The following ENTREP2 variants were observed in gnomAD, a reference collection of about 807,000 sequenced individuals.
The protein encoded by ENTREP2 is protein ENTREP2.
At chr15:29,504,081 C>T in the ENTREP2 span, among the ~76,000 whole-genome samples, 1 of 152,164 alleles carries the variant, frequency 6.6e-6, no homozygotes, top group Non-Finnish European at 1.5e-5. Flanking sequence ...CTTGGCCCTA[C>T]TAGGAGTACA....
chr15:29,147,692 C>G, the ENTREP2 span, among the ~76,000 whole-genome samples: 1 of 152,224 alleles, frequency 6.6e-6, no homozygotes, highest in Non-Finnish European at 1.5e-5. Flanking sequence ...CCCTCATGGT[C>G]TCACGGTGGG....
chr15:29,512,928 A>G, the ENTREP2 span, among the ~76,000 whole-genome samples: 1 of 152,220 alleles, frequency 6.6e-6, no homozygotes, highest in Non-Finnish European at 1.5e-5. Context: ...TTGAAGTTTT[A>G]TAAGTAAATA....
At chr15:29,271,120 G>A in the ENTREP2 span, among the ~76,000 whole-genome samples, 5 of 152,168 alleles carry the variant, frequency 3.3e-5, no homozygotes, top group African/African-American at 1.2e-4. Flanking sequence ...ACTAATGCAA[G>A]TATGCTAAAA....
the ENTREP2 span, among the ~76,000 whole-genome samples, chr15:29,598,338 C>T: frequency 6.6e-6 from 1 of 152,144 alleles, no homozygotes; most frequent in East Asian, 1.9e-4. Flanking sequence ...TCTCTAGTAA[C>T]AAATTATGTT....
the ENTREP2 span, among the ~76,000 whole-genome samples, chr15:29,230,412 G>A: frequency 2.0e-5 from 3 of 152,014 alleles, no homozygotes; most frequent in South Asian, 2.1e-4. Context: ...ACCACATAAC[G>A]TATGATTTTA....
chr15:29,131,053 G>C, the ENTREP2 span, among the ~76,000 whole-genome samples: 1 of 152,146 alleles, frequency 6.6e-6, no homozygotes, highest in African/African-American at 2.4e-5. Context: ...TGGAAAATAA[G>C]TTGGCTTTTC....
At chr15:29,659,343 C>T in the ENTREP2 span, among the ~76,000 whole-genome samples, 23 of 152,112 alleles carry the variant, frequency 1.5e-4, no homozygotes, top group African/African-American at 5.3e-4. Flanking sequence ...TGGTGGCATG[C>T]ACCTGTAATC....
At chr15:29,193,463 T>C in the ENTREP2 span, among the ~76,000 whole-genome samples, 3 of 152,238 alleles carry the variant, frequency 2.0e-5, no homozygotes, top group Non-Finnish European at 4.4e-5. Flanking sequence ...CTCACACTGG[T>C]GCAACCACTC....
the ENTREP2 span, among the ~76,000 whole-genome samples, chr15:29,411,902 T>C: frequency 3.3e-5 from 5 of 152,218 alleles, no homozygotes; most frequent in South Asian, 1.0e-3. Flanking sequence ...CATCGTTTCA[T>C]ATATGCTTCA....
the ENTREP2 span, among the ~76,000 whole-genome samples, chr15:29,426,602 T>G: frequency 6.6e-6 from 1 of 152,252 alleles, no homozygotes; most frequent in East Asian, 1.9e-4. Context: ...CCTAATTCAC[T>G]AATCCAATGT....
chr15:29,185,444 G>A, the ENTREP2 span, among the ~76,000 whole-genome samples: 1 of 152,176 alleles, frequency 6.6e-6, no homozygotes. Flanking sequence ...GGCACACAAC[G>A]AAGGGCACCC....
chr15:29,605,202 G>A, the ENTREP2 span, among the ~76,000 whole-genome samples: 2 of 152,154 alleles, frequency 1.3e-5, no homozygotes, highest in Non-Finnish European at 2.9e-5. Flanking sequence ...TAAAACTGGA[G>A]CAAAGAGATT....
At chr15:29,372,105 G>T in the ENTREP2 span, among the ~76,000 whole-genome samples, 3 of 151,986 alleles carry the variant, frequency 2.0e-5, no homozygotes, top group African/African-American at 7.2e-5. Flanking sequence ...AGAAATTATG[G>T]CAGAAAATAC....
the ENTREP2 span, among the ~76,000 whole-genome samples, chr15:29,504,086 A>T: frequency 2.6e-5 from 4 of 152,196 alleles, no homozygotes; most frequent in Admixed American, 2.0e-4. Flanking sequence ...CCCTACTAGG[A>T]GTACAGATTG....
chr15:29,163,916 G>A, the ENTREP2 span, among the ~76,000 whole-genome samples: 1 of 152,184 alleles, frequency 6.6e-6, no homozygotes, highest in Non-Finnish European at 1.5e-5. Context: ...CTGTGAGACA[G>A]AAGCACCAGG....
chr15:29,192,808 A>G, the ENTREP2 span, among the ~76,000 whole-genome samples: 1 of 152,240 alleles, frequency 6.6e-6, no homozygotes, highest in African/African-American at 2.4e-5. Flanking sequence ...AGGCTGGCTT[A>G]CCACTCAAAA....
chr15:29,597,568 CA>C, the ENTREP2 span, among the ~76,000 whole-genome samples: 140 of 137,640 alleles, frequency 1.0e-3, no homozygotes, highest in East Asian at 3.5e-3. Flanking sequence ...AACTCTGTCT[CA>C]AAAAAAAAAA....
the ENTREP2 span, among the ~76,000 whole-genome samples, chr15:29,392,853 CAT>C: frequency 3.3e-5 from 5 of 152,226 alleles, no homozygotes; most frequent in Admixed American, 6.5e-5. Context: ...ATTCCCCACA[CAT>C]GTCATTCATG....
chr15:29,475,767 G>T, the ENTREP2 span, among the ~76,000 whole-genome samples: 1 of 152,196 alleles, frequency 6.6e-6, no homozygotes, highest in Non-Finnish European at 1.5e-5. Flanking sequence ...CACCTCTGAT[G>T]CCAGCCCTAA....
Sources: gnomAD v4.1 joint callset for allele counts (sites outside exome capture counted in the v4.1 genomes callset) on GRCh38, gnomAD v4.1.1 for gene constraint, MANE v1.5 for transcripts, NCBI Gene and HGNC (gene_info 2026-07-23, HGNC 2026-07-21) for gene names.